The following LARP7 variants were observed in gnomAD, a reference collection of about 807,000 sequenced individuals.
LARP7 encodes the protein La ribonucleoprotein 7, transcriptional regulator.
Under a neutral mutation model 69.3 loss-of-function variants are expected in LARP7, and 52 were observed. The ratio of observed to expected loss-of-function variants is 0.75; its 90% CI spans 0.60 to 0.95. LARP7 has a LOEUF of 0.95. Among genes scored for constraint, LARP7 ranks in the 40% least tolerant of loss-of-function variants. The probability of loss-of-function intolerance (pLI) is 0.00; values close to 1 mark genes in which losing one functional copy is unlikely to be tolerated. For missense variants in LARP7, 733 were observed against 673.0 expected, an observed-to-expected ratio of 1.09 and a Z score of -0.99; for synonymous variants, 254 against 215.9, an observed-to-expected ratio of 1.18 and a Z score of -1.55.
At chr4:112,655,353 A>T (rs2048913097) in intron 12 of LARP7, 1 of 152,138 alleles carries the variant, frequency 6.6e-6, no homozygotes, top group African/African-American at 2.4e-5. Flanking sequence ...TTTTCATTTT[A>T]AAAATTTAGA....
intron 9 of LARP7, 126 bp from the exon 10 acceptor site, chr4:112,650,335 T>G: frequency 1.1e-6 from 1 of 906,378 alleles, no homozygotes; most frequent in Non-Finnish European, 1.6e-6. Flanking sequence ...TTGTTTACTT[T>G]AAAATTAAAT....
chr4:112,638,888 T>A (rs2149246278), intron 1 of LARP7, among the ~76,000 whole-genome samples: 1 of 152,330 alleles, frequency 6.6e-6, no homozygotes, highest in South Asian at 2.1e-4. Context: ...TCATTTACAA[T>A]TTAATGGAGC....
rs1468144673 is a variant in LARP7, at chr4:112,651,542, T to C, written c.1416+960T>C. 4.6e-5 allele frequency among the ~76,000 whole-genome samples: 7 copies of C among 152,216 alleles called. No homozygotes were observed. In the South Asian group the frequency reaches 6.2e-4, roughly 13 times the overall value. ...TTAATACAAAAATTGCTCAGAGTTA[T>C]TTCTAATCAACTCATTAAATAACTT... On this transcript the variant is annotated intron_variant, in intron 10 of 12. Coordinates refer to ENST00000344442, the MANE Select transcript of LARP7 (RefSeq NM_016648.4).
intron 8 of LARP7, 36 bp from the exon 9 acceptor site, chr4:112,649,499 T>C (rs2048602309): frequency 1.1e-5 from 16 of 1,510,298 alleles, no homozygotes; most frequent in Non-Finnish European, 1.2e-5. Context: ...ACTTTTTATA[T>C]TTAGTCATCT....
chr4:112,640,932 G>A (rs1470540798), intron 1 of LARP7, among the ~76,000 whole-genome samples: 2 of 152,192 alleles, frequency 1.3e-5, no homozygotes, highest in Non-Finnish European at 2.9e-5. Context: ...CAAGGGCAAA[G>A]GCCCTGAAGT....
At chr4:112,644,478 TA>T in intron 1 of LARP7, 189 bp from the exon 2 acceptor site, 2 of 1,191,858 alleles carry the variant, frequency 1.7e-6, no homozygotes, top group South Asian at 2.3e-5. Flanking sequence ...CTATGATCCC[TA>T]ACATAGAAGG....
chr4:112,650,144 T>C, intron 9 of LARP7: 1 of 215,064 alleles, frequency 4.6e-6, no homozygotes, highest in East Asian at 1.1e-4. Flanking sequence ...CACAGTATCC[T>C]TTAACTTTTT....
chr4:112,637,869 G>T (rs531493548), intron 1 of LARP7: 4 of 152,354 alleles, frequency 2.6e-5, no homozygotes, highest in African/African-American at 9.6e-5. Context: ...GAACACACAG[G>T]CCACTACGTG....
chr4:112,650,638 G>A, intron 10 of LARP7, 56 bp downstream of exon 10: 1 of 1,520,630 alleles, frequency 6.6e-7, no homozygotes, highest in Non-Finnish European at 8.9e-7. Flanking sequence ...TTATTTCCCT[G>A]TGTGAAAATG....
chr4:112,655,581 T>C (rs1488541399), intron 12 of LARP7: 1 of 152,224 alleles, frequency 6.6e-6, no homozygotes, highest in Non-Finnish European at 1.5e-5. Context: ...TGTTTGCTAG[T>C]TAATTCAGCT....
intron 1 of LARP7, among the ~76,000 whole-genome samples, chr4:112,643,574 G>A (rs796086933): frequency 7.9e-5 from 12 of 152,292 alleles, no homozygotes; most frequent in African/African-American, 2.4e-4. Flanking sequence ...ATGGCTGGGC[G>A]CGGTGGCTCA....
In LARP7 at chr4:112,647,095, AAAAT is replaced by A. The variant is rs770440321; in HGVS notation, c.617_620del (p.Asn206SerfsTer6). 6.2e-7 allele frequency: 1 copy of A among 1,611,456 alleles called. No individual in the cohort carries two copies. Among genetic ancestry groups the A allele is most frequent in the Non-Finnish European group, 8.5e-7 (1 of 1,179,420 alleles). On this transcript the variant is annotated frameshift_variant, in exon 6 of 13. Transcript: ENST00000344442. LOFTEE classifies it high-confidence loss of function. ...CCTGGCATATTTCCTAAAACAGTGA[AAAAT>A]AAGCCCATTCCAGCCTTAAGAGTTG...
chr4:112,653,959 T>C, intron 11 of LARP7, 109 bp from the exon 12 acceptor site: 1 of 785,568 alleles, frequency 1.3e-6, no homozygotes. Flanking sequence ...TAGCATTAAA[T>C]ATAATCAAAA....
chr4:112,646,455 A>T lies in LARP7; in HGVS notation c.303+4A>T, dbSNP rs764394273. 8.6e-6 allele frequency: 13 copies of T among 1,516,396 alleles called. No individual in the cohort carries two copies. Among genetic ancestry groups the T allele is most frequent in the Non-Finnish European group, 1.8e-6 (2 of 1,098,550 alleles). 93.9% of individuals were successfully genotyped at this position (1,516,396 alleles called of 1,614,324 possible). On this transcript the variant is annotated splice_donor_region_variant and intron_variant, in intron 3 of 12. Coordinates refer to ENST00000344442, the MANE Select transcript of LARP7 (RefSeq NM_016648.4). ...GAGAAGTTCAGCTGTTGTAGAGGTA[A>T]GAATCAAGAATAACTACTGTTTATA... is the stretch of plus-strand genomic sequence containing the variant.
chr4:112,646,870 T>G lies in LARP7; in HGVS notation c.467T>G (p.Ile156Arg). Residue 156 changes from isoleucine to arginine, a missense_variant, in exon 5 of 13, where the codon ATA becomes AGA. Physicochemically the swap from Ile to Arg is moderately conservative, Grantham distance 97 (BLOSUM62 -3). Transcript: ENST00000344442. The part of the protein sequence containing the change: ...GKCGNVVYIS[I>R]PHYKSTGDPK... ...TGTGGCAATGTTGTTTATATAAGTA[T>G]ACCACATTATAAGTCTACTGGAGAT... The G allele has an allele frequency of 6.2e-7, 1 of 1,606,870 alleles. No individual in the cohort carries two copies. Among genetic ancestry groups the G allele is most frequent in the Non-Finnish European group, 8.5e-7 (1 of 1,177,598 alleles).
intron 1 of LARP7, among the ~76,000 whole-genome samples, chr4:112,638,353 G>A (rs2047792768): frequency 6.6e-6 from 1 of 152,140 alleles, no homozygotes; most frequent in African/African-American, 2.4e-5. Flanking sequence ...CTTTTAAATA[G>A]CAAACACACA....
At chr4:112,648,386 T>TC in intron 8 of LARP7, 1 of 504,566 alleles carries the variant, frequency 2.0e-6, no homozygotes, top group Non-Finnish European at 4.1e-6. Flanking sequence ...ATGGAAGCAC[T>TC]TACTTTTGTT....
chr4:112,646,520 T>C (rs1487231446), intron 3 of LARP7, 68 bp from the exon 4 acceptor site: 2 of 1,258,272 alleles, frequency 1.6e-6, no homozygotes, highest in Non-Finnish European at 2.2e-6. Flanking sequence ...ACGTAATGAT[T>C]ATTATATGAT....
At chr4:112,648,161 A>G (rs1248182024) in intron 8 of LARP7, 1 of 521,030 alleles carries the variant, frequency 1.9e-6, no homozygotes, top group Non-Finnish European at 3.9e-6. Context: ...AAAAAATAAT[A>G]AAAATGTAAA....
Sources: allele counts gnomAD v4.1 joint callset (sites outside exome capture counted in the v4.1 genomes callset), GRCh38; gene constraint gnomAD v4.1.1; transcripts MANE v1.5; gene names NCBI Gene and HGNC (gene_info 2026-07-23, HGNC 2026-07-21).